LTBP1: variants seen among roughly 807,000 people sequenced by gnomAD.
LTBP1 encodes the protein latent-transforming growth factor beta-binding protein 1.
A neutral mutation model predicts 207.6 loss-of-function variants in LTBP1; 129 were observed. The ratio of observed to expected loss-of-function variants is 0.62; its 90% CI spans 0.54 to 0.72. The LOEUF (loss-of-function observed/expected upper bound fraction) is 0.72, where lower values mean the gene tolerates loss of function less well. LTBP1 is among the 30% of genes least tolerant of loss of function. The pLI, the probability that LTBP1 is intolerant of heterozygous loss-of-function variation, is 0.00. For missense variants in LTBP1, 2,281 were observed against 2,217.2 expected, an observed-to-expected ratio of 1.03 and a Z score of -0.58; for synonymous variants, 963 against 833.7, an observed-to-expected ratio of 1.16 and a Z score of -2.67.
rs10170332 is a variant in LTBP1 at position 33,157,702 on chromosome 2, A to G, written c.1201+22742A>G. Among the ~76,000 whole-genome samples, 1,440 of 152,284 alleles carry G rather than the reference A, an allele frequency of 9.5e-3. 30 individuals are homozygous for G. The highest frequency in any genetic ancestry group is 0.033 in the African/African-American group (1,384 of 41,538). On this transcript the variant is annotated intron_variant, in intron 5 of 33. Coordinates refer to ENST00000404816, the MANE Select transcript of LTBP1 (RefSeq NM_206943.4). Reference sequence around the variant, plus strand: ...GTGCTGTACTGGAGATTTCTAATGCAGTTTGCATGTGTACGAGGAGCATCA... The same window carrying G: ...GTGCTGTACTGGAGATTTCTAATGCGGTTTGCATGTGTACGAGGAGCATCA...
intron 22 of LTBP1, among the ~76,000 whole-genome samples, chr2:33,305,775 G>A (rs1188819892): frequency 2.0e-5 from 3 of 152,142 alleles, no homozygotes; most frequent in Non-Finnish European, 4.4e-5. Context: ...AGGAGATTGA[G>A]GAAAAAGTGG....
intron 3 of LTBP1, among the ~76,000 whole-genome samples, chr2:33,066,176 T>A (rs530513600): frequency 6.6e-6 from 1 of 152,338 alleles, no homozygotes; most frequent in Admixed American, 6.5e-5. Context: ...AGATTTTAAA[T>A]TTTATGTAGT....
In LTBP1 at chr2:33,275,030, A is replaced by G. The variant is rs1310191724; in HGVS notation, c.2809A>G (p.Ser937Gly). The G allele has an allele frequency of 6.2e-7, 1 of 1,614,064 alleles. No individual in the cohort carries two copies. ...GGGCCGCTGTGAAAACACCGAGGGA[A>G]GTTTCTTGTGCATTTGCCCAGCAGG... ...SQGRCENTEGSFLCICPAGFM... is the reference protein window; with the variant it reads ...SQGRCENTEGGFLCICPAGFM... The change falls in exon 17 of 34, where the codon AGT becomes GGT. Residue 937 changes from serine to glycine, a missense_variant. By Grantham distance (56) the Ser-to-Gly change is moderately conservative. Transcript: ENST00000404816.
chr2:32,989,589 G>A (rs549374632), intron 2 of LTBP1, among the ~76,000 whole-genome samples: 1 of 152,306 alleles, frequency 6.6e-6, no homozygotes, highest in East Asian at 1.9e-4. Flanking sequence ...GAAAAGCCCA[G>A]GGACAGAGTG....
intron 9 of LTBP1, among the ~76,000 whole-genome samples, chr2:33,225,693 C>T (rs1341189654): frequency 6.6e-6 from 1 of 152,208 alleles, no homozygotes; most frequent in African/African-American, 2.4e-5. Flanking sequence ...TATCAGCTGT[C>T]ATTTTGTATC....
chr2:32,983,331 A>G (rs535809086), intron 2 of LTBP1, among the ~76,000 whole-genome samples: 1 of 152,340 alleles, frequency 6.6e-6, no homozygotes, highest in East Asian at 1.9e-4. Context: ...CATTGTATCT[A>G]GGAAGTAACT....
At chr2:33,099,117 C>T (rs2079560920) in intron 3 of LTBP1, among the ~76,000 whole-genome samples, 1 of 152,166 alleles carries the variant, frequency 6.6e-6, no homozygotes, top group African/African-American at 2.4e-5. Flanking sequence ...ACATTTTCAG[C>T]AGTGTTAGAG....
intron 10 of LTBP1, among the ~76,000 whole-genome samples, chr2:33,247,891 T>A (rs2092561080): frequency 6.6e-6 from 1 of 152,280 alleles, no homozygotes; most frequent in Non-Finnish European, 1.5e-5. Context: ...AGCTTTTCCG[T>A]TAATATGGGC....
intron 9 of LTBP1, among the ~76,000 whole-genome samples, 196 bp from the exon 10 acceptor site, chr2:33,243,466 G>C (rs2092404598): frequency 6.6e-6 from 1 of 152,104 alleles, no homozygotes; most frequent in African/African-American, 2.4e-5. Context: ...TAGTAGGTAT[G>C]TAATAAATAT....
chr2:33,339,315 A>AT (rs1374442873), intron 24 of LTBP1, among the ~76,000 whole-genome samples: 1 of 152,140 alleles, frequency 6.6e-6, no homozygotes, highest in Non-Finnish European at 1.5e-5. Flanking sequence ...ACAGAGGTAA[A>AT]TTTTTGAGAG....
chr2:32,988,037 G>A (rs1683861799), intron 2 of LTBP1, among the ~76,000 whole-genome samples: 1 of 152,206 alleles, frequency 6.6e-6, no homozygotes, highest in African/African-American at 2.4e-5. Flanking sequence ...AAAGATTGAA[G>A]TGTCACAGCC....
intron 26 of LTBP1, among the ~76,000 whole-genome samples, chr2:33,360,027 G>A (rs2094908816): frequency 6.6e-6 from 1 of 152,172 alleles, no homozygotes; most frequent in African/African-American, 2.4e-5. Context: ...CACTCATTAT[G>A]TCATTCAGTC....
chr2:32,963,929 G>T (rs1679541449), intron 2 of LTBP1, among the ~76,000 whole-genome samples: 1 of 152,196 alleles, frequency 6.6e-6, no homozygotes, highest in African/African-American at 2.4e-5. Context: ...ATGAGAAAGA[G>T]ATTGCAAAAT....
intron 3 of LTBP1, among the ~76,000 whole-genome samples, chr2:33,060,019 G>A (rs1330649034): frequency 6.6e-6 from 1 of 152,214 alleles, no homozygotes; most frequent in Non-Finnish European, 1.5e-5. Context: ...TCTTCTACAT[G>A]TTGTTGGTTC....
chr2:33,211,061 A>G (rs2090272033), intron 7 of LTBP1, among the ~76,000 whole-genome samples: 1 of 152,200 alleles, frequency 6.6e-6, no homozygotes, highest in Admixed American at 6.5e-5. Context: ...TTTATTATAT[A>G]ATAGTCCTTC....
chr2:33,201,661 A>G (rs936231377), intron 7 of LTBP1, among the ~76,000 whole-genome samples: 3 of 152,170 alleles, frequency 2.0e-5, no homozygotes, highest in Non-Finnish European at 4.4e-5. Flanking sequence ...AAAAAAAAAG[A>G]AACAAACTTC....
At chr2:33,198,650 T>G (rs1178100579) in intron 7 of LTBP1, among the ~76,000 whole-genome samples, 2 of 152,246 alleles carry the variant, frequency 1.3e-5, no homozygotes, top group Non-Finnish European at 2.9e-5. Flanking sequence ...TCGAGGAATT[T>G]ATCCATTTCT....
At chr2:33,022,770 A>G (rs919489276) in intron 3 of LTBP1, among the ~76,000 whole-genome samples, 2 of 152,348 alleles carry the variant, frequency 1.3e-5, no homozygotes, top group South Asian at 4.1e-4. Context: ...CAGTTCTGCC[A>G]TGGTAGCACA....
intron 2 of LTBP1, among the ~76,000 whole-genome samples, chr2:32,997,522 A>G (rs1159478194): frequency 6.6e-6 from 1 of 152,056 alleles, no homozygotes; most frequent in East Asian, 1.9e-4. Flanking sequence ...AAAACAAAAG[A>G]AAACCACACA....
Sources: allele counts gnomAD v4.1 joint callset (sites outside exome capture counted in the v4.1 genomes callset), GRCh38; gene constraint gnomAD v4.1.1; transcripts MANE v1.5; gene names NCBI Gene and HGNC (gene_info 2026-07-23, HGNC 2026-07-21).